Variants in MAP4K5 observed in about 807,000 individuals in gnomAD.
MAP4K5 encodes mitogen-activated protein kinase kinase kinase kinase 5, also known as MAPK/ERK kinase kinase kinase 5.
In MAP4K5, 82 loss-of-function variants were observed where a neutral mutation model predicts 135.6. That is an observed-to-expected ratio of 0.60 (90% CI 0.51 to 0.73). The LOEUF is 0.73. Ranked by LOEUF, MAP4K5 falls within the 30% of genes least tolerant of loss-of-function variation. MAP4K5 has a pLI of 0.00. For synonymous variants in MAP4K5, 347 were observed against 335.0 expected (o/e 1.04, Z -0.39); for missense variants, 907 against 1,010.9 (o/e 0.90, Z 1.39).
chr14:50,439,166 A>C (rs1455685549), intron 23 of MAP4K5, among the ~76,000 whole-genome samples: 1 of 151,874 alleles, frequency 6.6e-6, no homozygotes, highest in African/African-American at 2.4e-5. Flanking sequence ...TGCTCTCCAT[A>C]AACAGTGTTA....
At chr14:50,475,738 G>A (rs1389016271) in intron 8 of MAP4K5, among the ~76,000 whole-genome samples, 1 of 152,170 alleles carries the variant, frequency 6.6e-6, no homozygotes, top group Non-Finnish European at 1.5e-5. Flanking sequence ...ACAGAAACAC[G>A]TGGTTGTAAA....
chr14:50,558,912 C>T (rs749258759), intron 1 of MAP4K5, among the ~76,000 whole-genome samples: 24 of 151,820 alleles, frequency 1.6e-4, no homozygotes, highest in Non-Finnish European at 2.9e-4. Flanking sequence ...ACAGTGTTCA[C>T]GACTCTGCAG....
At chr14:50,442,901 C>A (rs148304272) in intron 20 of MAP4K5, 85 bp from the exon 21 acceptor site, 66 of 734,706 alleles carry the variant, frequency 9.0e-5, no homozygotes, top group Non-Finnish European at 1.5e-4. Context: ...ATTGAAATAC[C>A]AAATTAACTC....
chr14:50,481,171 CTGCTA>C (rs2139904279), intron 6 of MAP4K5, among the ~76,000 whole-genome samples: 1 of 151,414 alleles, frequency 6.6e-6, no homozygotes, highest in African/African-American at 2.4e-5. Context: ...CAATAATTCT[CTGCTA>C]TGAGTGTATA....
At chr14:50,447,592 A>C in intron 15 of MAP4K5, 111 bp from the exon 16 acceptor site, 1 of 642,578 alleles carries the variant, frequency 1.6e-6, no homozygotes, top group Non-Finnish European at 2.6e-6. Context: ...CTTGGCATTC[A>C]ATCAATTTTT....
At chr14:50,520,418 T>C (rs2038124246) in intron 2 of MAP4K5, among the ~76,000 whole-genome samples, 1 of 152,104 alleles carries the variant, frequency 6.6e-6, no homozygotes, top group African/African-American at 2.4e-5. Flanking sequence ...GAAGAATTGC[T>C]TGAACCCGGG....
At chr14:50,490,130 AGT>A (rs34549753) in intron 3 of MAP4K5, among the ~76,000 whole-genome samples, 42,633 of 120,970 alleles carry the variant, frequency 0.35, 7,591 homozygotes, top group South Asian at 0.51. Flanking sequence ...AGCGAGTGAG[AGT>A]GTGTGTGTGT....
intron 20 of MAP4K5, among the ~76,000 whole-genome samples, chr14:50,443,423 T>G (rs993413040): frequency 1.3e-5 from 2 of 152,060 alleles, no homozygotes; most frequent in African/African-American, 4.8e-5. Flanking sequence ...ACTTTAGAGG[T>G]AGAAAGATAT....
chr14:50,478,485 G>A (rs562332850), intron 6 of MAP4K5, among the ~76,000 whole-genome samples: 1 of 151,578 alleles, frequency 6.6e-6, no homozygotes, highest in African/African-American at 2.4e-5. Context: ...AGCTTCTTAG[G>A]TGGAAGCTGA....
At chr14:50,517,229 G>A (rs2038052300) in intron 2 of MAP4K5, among the ~76,000 whole-genome samples, 1 of 150,552 alleles carries the variant, frequency 6.6e-6, no homozygotes, top group African/African-American at 2.4e-5. Context: ...TCCGCCCACT[G>A]CAACTTCTGC....
At chr14:50,490,152 T>TGG (rs2037452634) in intron 3 of MAP4K5, among the ~76,000 whole-genome samples, 2 of 145,576 alleles carry the variant, frequency 1.4e-5, no homozygotes, top group Admixed American at 6.9e-5. Flanking sequence ...TGTGTGTGTG[T>TGG]GTGTGTGTAA....
intron 2 of MAP4K5, among the ~76,000 whole-genome samples, chr14:50,527,150 T>C (rs1440690526): frequency 1.3e-5 from 2 of 151,996 alleles, no homozygotes; most frequent in African/African-American, 2.4e-5. Context: ...ACCATCCTAG[T>C]CAACCTGGTG....
At chr14:50,512,774 T>C (rs2037956409) in intron 2 of MAP4K5, among the ~76,000 whole-genome samples, 1 of 152,142 alleles carries the variant, frequency 6.6e-6, no homozygotes, top group Non-Finnish European at 1.5e-5. Flanking sequence ...CTATACAAAT[T>C]CGCGCTATAA....
chr14:50,537,499 T>C (rs538562331), upstream of MAP4K5, among the ~76,000 whole-genome samples: 1 of 148,320 alleles, frequency 6.7e-6, no homozygotes, highest in African/African-American at 2.6e-5. Context: ...AGAGGGCCAC[T>C]GTCCTCCAGA....
At chr14:50,488,330 A>G (rs959898332) in intron 3 of MAP4K5, among the ~76,000 whole-genome samples, 2 of 152,174 alleles carry the variant, frequency 1.3e-5, no homozygotes, top group Admixed American at 1.3e-4. Flanking sequence ...CTCTCCTTTG[A>G]TGCCTGAGAA....
intron 17 of MAP4K5, among the ~76,000 whole-genome samples, chr14:50,445,756 G>A (rs1461933000): frequency 2.0e-5 from 3 of 152,062 alleles, no homozygotes; most frequent in African/African-American, 7.2e-5. Flanking sequence ...TTTTAGTAGA[G>A]AGGGTTTCAC....
intron 27 of MAP4K5, 125 bp downstream of exon 27, chr14:50,434,837 T>G: frequency 1.5e-6 from 1 of 657,580 alleles, no homozygotes; most frequent in Non-Finnish European, 2.5e-6. Flanking sequence ...CTAAATCAAA[T>G]AAACAACTAC....
Position 50,556,742 on chromosome 14 carries a change from T to G in MAP4K5, c.-180+4298A>C, listed in dbSNP as rs185401227. Among the ~76,000 whole-genome samples, 899 of 152,360 alleles carry G rather than the reference T, an allele frequency of 5.9e-3. 2 individuals carry two copies. Among genetic ancestry groups the G allele is most frequent in the Non-Finnish European group, 0.011 (732 of 68,026 alleles). Reference sequence around the variant, plus strand: ...TAAATTTCATATAAATGGAATCATATAATATGTGGTCTTTGTGGCTGGCTA... The same window carrying G: ...TAAATTTCATATAAATGGAATCATAGAATATGTGGTCTTTGTGGCTGGCTA... On this transcript the variant is annotated intron_variant, in intron 1 of 8. Coordinates refer to the MAP4K5 transcript ENST00000555216.
intron 1 of MAP4K5, chr14:50,560,207 C>A: frequency 6.2e-7 from 1 of 1,605,294 alleles, no homozygotes; most frequent in East Asian, 2.3e-5. Context: ...AACCTGCGGC[C>A]CCGGAGAAGG....
Sources: gnomAD v4.1 joint callset for allele counts (sites outside exome capture counted in the v4.1 genomes callset) on GRCh38, gnomAD v4.1.1 for gene constraint, MANE v1.5 for transcripts, NCBI Gene and HGNC (gene_info 2026-07-23, HGNC 2026-07-21) for gene names.